The following TMC6 variants were observed in gnomAD, a reference collection of about 807,000 sequenced individuals.
TMC6 encodes the protein transmembrane channel-like protein 6.
A neutral mutation model predicts 95.4 loss-of-function variants in TMC6; 71 were observed. The ratio of observed to expected loss-of-function variants is 0.74; its 90% CI spans 0.61 to 0.91. The LOEUF (loss-of-function observed/expected upper bound fraction) is 0.91, where lower values mean the gene tolerates loss of function less well. Among genes scored for constraint, TMC6 ranks in the 40% least tolerant of loss-of-function variants. TMC6 has a pLI of 0.00. For missense variants in TMC6, 1,074 were observed against 1,079.1 expected (o/e 1.00, Z 0.07); for synonymous variants, 514 against 483.1 (o/e 1.06, Z -0.84).
At chr17:78,131,954 A>C, upstream of TMC6, 1 of 1,517,040 alleles carries the variant, frequency 6.6e-7, no homozygotes, top group Non-Finnish European at 8.8e-7. Context: ...AGACGGTGGA[A>C]AGGCGCCTGC....
upstream of TMC6, among the ~76,000 whole-genome samples, chr17:78,128,960 G>A (rs972928486): frequency 6.6e-6 from 1 of 152,120 alleles, no homozygotes; most frequent in Non-Finnish European, 1.5e-5. This position sits in a 1 kb window ranked among gnomAD's most constrained non-coding sequence, Gnocchi z 4.0. Flanking sequence ...CCAGCCCCTG[G>A]TTGAAGTCCC....
intron 18 of TMC6, among the ~76,000 whole-genome samples, chr17:78,115,627 AGTGGGCACAGGG>A (rs1277479607): frequency 4.1e-5 from 6 of 146,206 alleles, no homozygotes; most frequent in African/African-American, 1.6e-4. Flanking sequence ...GAGCGAAGGG[AGTGGGCACAGGG>A]GCGAAGGGAG....
At chr17:78,132,245 C>A (rs1288663912), upstream of TMC6, 1 of 1,423,424 alleles carries the variant, frequency 7.0e-7, no homozygotes, top group Non-Finnish European at 9.7e-7. Context: ...CGGACTCGGG[C>A]GGGTGGGAGC....
In TMC6 at chr17:78,122,436, T is replaced by C; in HGVS notation, c.1227+169A>G. 1.0e-6 allele frequency: 1 copy of C among 981,450 alleles called. No homozygotes were observed. The highest frequency in any genetic ancestry group is 1.5e-6 in the Non-Finnish European group (1 of 677,672). The allele number at this position is 981,450 out of a possible 1,614,324, so 60.8% of individuals were successfully genotyped here. A position where few individuals can be genotyped will look rare whatever the true frequency, so the allele number is the denominator to read the frequency against. ...GTGTGCCAGAGAAAAACTCAGGGCC[T>C]GCCCGTCACTGCAAGCAGAAGACCA... On this transcript the variant is annotated intron_variant, in intron 10 of 19. Coordinates refer to ENST00000590602, the MANE Select transcript of TMC6 (RefSeq NM_001127198.5). The surrounding 1 kb of genome is among the most constrained non-coding windows in gnomAD (Gnocchi z 4.9).
intron 18 of TMC6, among the ~76,000 whole-genome samples, chr17:78,115,537 C>T (rs1230561180): frequency 1.3e-5 from 2 of 152,152 alleles, no homozygotes; most frequent in East Asian, 1.9e-4. Flanking sequence ...GGAGGCCAGG[C>T]TGGGTAGCCC....
In TMC6 at chr17:78,112,231, C is replaced by A; in HGVS notation, c.*917G>T. 1 of 257,616 alleles carries A rather than the reference C, an allele frequency of 3.9e-6. No homozygotes were observed. Among genetic ancestry groups the A allele is most frequent in the South Asian group, 3.2e-5 (1 of 31,180 alleles). 16.0% of individuals were successfully genotyped at this position (257,616 alleles called of 1,614,324 possible). ...CGCAGGCCTGGAGAACTGAGGCTGACGGGCTGGTCCCCGCAGGCCTGGAGC... is the reference window on the plus strand; with the variant it reads ...CGCAGGCCTGGAGAACTGAGGCTGAAGGGCTGGTCCCCGCAGGCCTGGAGC... On this transcript the variant is annotated 3_prime_UTR_variant, in exon 20 of 20. Transcript: ENST00000590602.
rs745658426 is a variant in TMC6, at chr17:78,121,054, C to T, written c.1494G>A (p.Pro498=). 11 of 1,613,254 alleles carry T rather than the reference C, an allele frequency of 6.8e-6. No individual in the cohort carries two copies. Among genetic ancestry groups the T allele is most frequent in the Admixed American group, 6.7e-5 (4 of 60,012 alleles). ...YLCRVLAALE[P]HDSPVLEVYV... is the part of the protein sequence containing the mutation. ...ACACCTCCAGTACCGGGGAGTCATG[C>T]GGCTCCAGGGCGGCCAGGACACGGC... is the stretch of plus-strand genomic sequence containing the variant. The change falls in exon 12 of 20, where the codon CCG becomes CCA. Residue 498 remains proline, a synonymous_variant. Transcript: ENST00000590602. The surrounding 1 kb of genome is among the most constrained non-coding windows in gnomAD (Gnocchi z 5.6).
Position 78,122,258 on chromosome 17 carries a change from A to G in TMC6, c.1227+347T>C, listed in dbSNP as rs886741752. 6.6e-6 allele frequency among the ~76,000 whole-genome samples: 1 copy of G among 152,066 alleles called. No individual in the cohort carries two copies. Among genetic ancestry groups the G allele is most frequent in the African/African-American group, 2.4e-5 (1 of 41,406 alleles). ...ACACAGAAGGTGACAGTCCTCACCC[A>G]CTGGCCTCCTATGGCCACCAACCAA... On this transcript the variant is annotated intron_variant, in intron 10 of 19. Coordinates refer to ENST00000590602, the MANE Select transcript of TMC6 (RefSeq NM_001127198.5). This position sits in a 1 kb window ranked among gnomAD's most constrained non-coding sequence, Gnocchi z 4.9.
chr17:78,115,662 C>G (rs1258737862), intron 18 of TMC6, among the ~76,000 whole-genome samples: 1 of 136,834 alleles, frequency 7.3e-6, no homozygotes, highest in Non-Finnish European at 1.6e-5. Flanking sequence ...GGCACAGGGG[C>G]GAAGGGAGTG....
At chr17:78,127,881 C>A (rs1392984768) in intron 1 of TMC6, among the ~76,000 whole-genome samples, 1 of 152,240 alleles carries the variant, frequency 6.6e-6, no homozygotes, top group Non-Finnish European at 1.5e-5. Context: ...CCCACACCAC[C>A]CCCTCCCTCC....
chr17:78,125,838 C>T lies in TMC6; in HGVS notation c.318G>A (p.Val106=). Residue 106 remains valine, a synonymous_variant, in exon 5 of 20, where the codon GTG becomes GTA. Coordinates refer to ENST00000590602, the MANE Select transcript of TMC6 (RefSeq NM_001127198.5). ...GCCGGCTGCTCCTGCACCGAAGCTG[C>T]ACCGTGCGGTTGTAGTACTGGGAGA... is the stretch of plus-strand genomic sequence containing the variant. ...AIISQYYNRT[V]QLRCRSSRPL... The T allele has an allele frequency of 2.6e-6, 4 of 1,553,004 alleles. No individual in the cohort carries two copies. Among genetic ancestry groups the T allele is most frequent in the Non-Finnish European group, 3.5e-6 (4 of 1,148,186 alleles).
chr17:78,126,244 G>C (rs754414639), intron 4 of TMC6, 33 bp downstream of exon 4: 21 of 1,542,192 alleles, frequency 1.4e-5, no homozygotes, highest in Non-Finnish European at 1.7e-5. Flanking sequence ...ACTCGGGGCC[G>C]GGGCCGAGGC....
Position 78,117,407 on chromosome 17 carries a change from C to T in TMC6, c.2199-60G>A, listed in dbSNP as rs1425943820. On this transcript the variant is annotated intron_variant, in intron 17 of 19. Coordinates refer to ENST00000590602, the MANE Select transcript of TMC6 (RefSeq NM_001127198.5). ...CCACAGCCCGGGAGCGGCCAGTCCC[C>T]ACACGGTGCAGGCCCAGCGAGGGCC... 4 of 1,611,880 alleles carry T rather than the reference C, an allele frequency of 2.5e-6. No individual in the cohort carries two copies. In the Admixed American group the frequency reaches 5.0e-5, roughly 20 times the overall value.
At chr17:78,124,462 A>G in intron 8 of TMC6, 62 bp downstream of exon 8, 1 of 1,596,090 alleles carries the variant, frequency 6.3e-7, no homozygotes, top group Non-Finnish European at 8.5e-7. Flanking sequence ...CAAGAAGGGA[A>G]CACGGTACCA....
upstream of TMC6, chr17:78,128,894 C>T (rs1425081063): frequency 6.6e-6 from 1 of 151,734 alleles, no homozygotes; most frequent in African/African-American, 2.4e-5. This position sits in a 1 kb window ranked among gnomAD's most constrained non-coding sequence, Gnocchi z 4.0. Flanking sequence ...CTATGCCTTC[C>T]TCCCCTGCCA....
At chr17:78,125,628 C>G (rs2074669895) in intron 5 of TMC6, 98 bp downstream of exon 5, 4 of 1,505,552 alleles carry the variant, frequency 2.7e-6, no homozygotes, top group Non-Finnish European at 3.6e-6. Flanking sequence ...GGGCCTCTGG[C>G]TCTGCAGCAC....
At chr17:78,128,804 G>A (rs1302497650), upstream of TMC6, 1 of 148,146 alleles carries the variant, frequency 6.8e-6, no homozygotes, top group Middle Eastern at 3.5e-3. This position sits in a 1 kb window ranked among gnomAD's most constrained non-coding sequence, Gnocchi z 4.0. Flanking sequence ...TGGGCGGGGG[G>A]GGGGGGGGCG....
intron 14 of TMC6, 48 bp from the exon 15 acceptor site, chr17:78,119,094 C>G: frequency 6.5e-7 from 1 of 1,547,206 alleles, no homozygotes; most frequent in Non-Finnish European, 8.8e-7. Context: ...CCCTCCCCTC[C>G]CCGAGATCAG....
At chr17:78,117,677 C>G (rs750335678) in intron 16 of TMC6, 33 bp from the exon 17 acceptor site, 5 of 1,555,976 alleles carry the variant, frequency 3.2e-6, no homozygotes, top group South Asian at 2.4e-5. Flanking sequence ...ACCCTCACCC[C>G]GAGCAACAGT....
Sources: gnomAD v4.1 joint callset for allele counts (sites outside exome capture counted in the v4.1 genomes callset) on GRCh38, gnomAD v4.1.1 for gene constraint, Gnocchi (gnomAD v3.1) non-coding constraint, MANE v1.5 for transcripts, NCBI Gene and HGNC (gene_info 2026-07-23, HGNC 2026-07-21) for gene names.